Variants in HELB observed in about 807,000 individuals in gnomAD.
HELB encodes the protein DNA 5'-3' helicase B.
Under a neutral mutation model 101.7 loss-of-function variants are expected in HELB, and 96 were observed. The observed-to-expected ratio is 0.94, with a 90% CI of 0.80 to 1.12. The LOEUF (loss-of-function observed/expected upper bound fraction) is 1.12. HELB is among the 50% of genes most tolerant of loss of function. The pLI is 0.00. For missense variants in HELB, 1,210 were observed against 1,291.9 expected (o/e 0.94, Z 0.97); for synonymous variants, 437 against 459.7 (o/e 0.95, Z 0.63).
At chr12:66,310,701 G>A in intron 4 of HELB, 93 bp downstream of exon 4, 3 of 1,145,416 alleles carry the variant, frequency 2.6e-6, no homozygotes, top group South Asian at 3.0e-5. Flanking sequence ...GGGAGACTGA[G>A]GCGGGCAGAT....
At chr12:66,336,600 G>GA in intron 12 of HELB, among the ~76,000 whole-genome samples, 1 of 152,278 alleles carries the variant, frequency 6.6e-6, no homozygotes, top group East Asian at 1.9e-4. Flanking sequence ...TGTAAATGGG[G>GA]AATACTTATA....
At position 66,302,516 on chromosome 12, in the gene HELB, C is replaced by A; in HGVS notation, c.-88C>A. The A allele has an allele frequency of 1.6e-6, 2 of 1,248,490 alleles. No individual in the cohort carries two copies. The highest frequency in any genetic ancestry group is 2.2e-6 in the Non-Finnish European group (2 of 896,254). The allele number at this position is 1,248,490 out of a possible 1,614,324, so 77.3% of individuals were successfully genotyped here. ...CCAGGCCGTTCCCGGAAGTTGATGGCCTTACAGTCGTAGAACTGATTGGCT... is the reference window on the plus strand; with the variant it reads ...CCAGGCCGTTCCCGGAAGTTGATGGACTTACAGTCGTAGAACTGATTGGCT... On this transcript the variant is annotated 5_prime_UTR_variant, in exon 1 of 13. Transcript: ENST00000247815.
chr12:66,317,394 G>A (rs1481073746), intron 6 of HELB, among the ~76,000 whole-genome samples: 4 of 152,120 alleles, frequency 2.6e-5, no homozygotes, highest in Non-Finnish European at 5.9e-5. Flanking sequence ...ACAGGAATAG[G>A]GTAGACAGTG....
chr12:66,338,082 A>G lies in HELB; in HGVS notation c.3244A>G (p.Thr1082Ala), dbSNP rs754242417. ...AATTCCCAGGCAACTTTTCAAGCCC[A>G]CCGATAATCAAGAAACTTAGTTTTA... ...NLIPRQLFKP[T>A]DNQET Residue 1082 changes from threonine (T) to alanine (A), a missense_variant, in exon 13 of 13, where the codon ACC (threonine) becomes GCC (alanine). Physicochemically the swap from Thr to Ala is moderately conservative, Grantham distance 58 (BLOSUM62 0). Around this residue, in one of 2 missense-constraint regions of HELB, gnomAD observed 740 missense variants for 728.8 expected, o/e 1.02. Transcript: ENST00000247815. The G allele has an allele frequency of 3.4e-5, 53 of 1,579,010 alleles. No homozygotes were observed. Among genetic ancestry groups the G allele is most frequent in the Non-Finnish European group, 4.4e-5 (51 of 1,148,668 alleles).
At chr12:66,328,798 G>A (rs2053772213) in intron 11 of HELB, among the ~76,000 whole-genome samples, 4 of 151,828 alleles carry the variant, frequency 2.6e-5, no homozygotes, top group African/African-American at 9.7e-5. Context: ...TTGATTATAT[G>A]TTAAAATGAT....
chr12:66,336,972 C>T (rs552625815), intron 12 of HELB, among the ~76,000 whole-genome samples: 2 of 152,158 alleles, frequency 1.3e-5, no homozygotes, highest in South Asian at 2.1e-4. Flanking sequence ...CAGTAACCTG[C>T]GTAAAATGAG....
chr12:66,320,045 C>T (rs948686595), intron 7 of HELB, among the ~76,000 whole-genome samples: 1 of 150,660 alleles, frequency 6.6e-6, no homozygotes, highest in African/African-American at 2.4e-5. Flanking sequence ...GTGTGGGAAA[C>T]AGATAATTAA....
At chr12:66,318,120 ATG>A (rs762704484) in intron 6 of HELB, among the ~76,000 whole-genome samples, 1 of 152,210 alleles carries the variant, frequency 6.6e-6, no homozygotes, top group Non-Finnish European at 1.5e-5. Flanking sequence ...GAAGAATATA[ATG>A]TAAACATATG....
chr12:66,321,960 C>T lies in HELB; in HGVS notation c.2168C>T (p.Ala723Val). The T allele has an allele frequency of 1.8e-6, 2 of 1,130,348 alleles. No individual in the cohort carries two copies. The highest frequency in any genetic ancestry group is 2.6e-6 in the Non-Finnish European group (2 of 770,594). 70.0% of individuals were successfully genotyped at this position (1,130,348 alleles called of 1,614,324 possible). ...CTTGAATTATTAGGTTTATATTCTGCAGTTAAAACTTTACTACAAGAAAAT... is the reference window on the plus strand; with the variant it reads ...CTTGAATTATTAGGTTTATATTCTGTAGTTAAAACTTTACTACAAGAAAAT... ...KTNHHSCLYS[A>V]VKTLLQENNL... Residue 723 changes from alanine (A) to valine (V), a missense_variant, in exon 8 of 13, where the codon GCA (alanine) becomes GTA (valine). By Grantham distance (64) the Ala-to-Val change is moderately conservative (BLOSUM62 0). Transcript: ENST00000247815.
Position 66,325,014 on chromosome 12 carries a change from G to A in HELB, c.2558G>A (p.Arg853Lys). The A allele has an allele frequency of 6.2e-7, 1 of 1,612,382 alleles. No individual in the cohort carries two copies. Among genetic ancestry groups the A allele is most frequent in the Non-Finnish European group, 8.5e-7 (1 of 1,178,560 alleles). ...DVTDVTFGKR[R>K]SLTINNMAGL... ...ACTGATGTAACTTTTGGAAAGAGAA[G>A]ATCTTTGACCATTAATAATATGGCT... The change falls in exon 11 of 13, where the codon AGA becomes AAA. Residue 853 changes from arginine to lysine, a missense_variant. By Grantham distance (26) the Arg-to-Lys change is conservative. Coordinates refer to ENST00000247815, the MANE Select transcript of HELB (RefSeq NM_001370285.1).
At chr12:66,339,170 A>G (rs1457613861), downstream of HELB, 5 of 152,192 alleles carry the variant, frequency 3.3e-5, no homozygotes, top group Non-Finnish European at 5.9e-5. Context: ...GAAAGTTGCA[A>G]CCTCAGGCAT....
intron 4 of HELB, among the ~76,000 whole-genome samples, chr12:66,312,864 A>G (rs2053560103): frequency 6.6e-6 from 1 of 152,212 alleles, no homozygotes; most frequent in Non-Finnish European, 1.5e-5. Flanking sequence ...TTTATTGTGT[A>G]TTTGAAGTTC....
At chr12:66,309,395 G>A (rs2053513463) in intron 3 of HELB, among the ~76,000 whole-genome samples, 1 of 152,142 alleles carries the variant, frequency 6.6e-6, no homozygotes, top group Non-Finnish European at 1.5e-5. Flanking sequence ...AATAACTAAA[G>A]TGTTGGAGAT....
In HELB at chr12:66,338,085, G is replaced by A; in HGVS notation, c.3247G>A (p.Asp1083Asn). The A allele has an allele frequency of 1.7e-5, 27 of 1,547,140 alleles. No homozygotes were observed. The highest frequency in any genetic ancestry group is 2.2e-5 in the Non-Finnish European group (25 of 1,120,124). Residue 1083 changes from aspartate (D) to asparagine (N), a missense_variant, in exon 13 of 13, where the codon GAT (aspartate) becomes AAT (asparagine). This residue lies in a region of HELB where 740 missense variants were observed against 728.8 expected (regional missense o/e 1.02). Coordinates refer to ENST00000247815, the MANE Select transcript of HELB (RefSeq NM_001370285.1). ...TCCCAGGCAACTTTTCAAGCCCACC[G>A]ATAATCAAGAAACTTAGTTTTATTT... ...LIPRQLFKPT[D>N]NQET
At chr12:66,332,377 C>A (rs2053820239) in intron 12 of HELB, among the ~76,000 whole-genome samples, 1 of 152,178 alleles carries the variant, frequency 6.6e-6, no homozygotes, top group African/African-American at 2.4e-5. Flanking sequence ...GTTTCAGTTA[C>A]CCATGGTCAA....
At chr12:66,325,327 G>C (rs141619288) in intron 11 of HELB, among the ~76,000 whole-genome samples, 1 of 152,072 alleles carries the variant, frequency 6.6e-6, no homozygotes, top group Non-Finnish European at 1.5e-5. Context: ...AGAAACAAAG[G>C]CATTATAGGT....
chr12:66,311,354 C>G (rs573895023), intron 4 of HELB, among the ~76,000 whole-genome samples: 9 of 152,098 alleles, frequency 5.9e-5, no homozygotes, highest in African/African-American at 2.2e-4. Context: ...TCCAGCTACT[C>G]AGGAGGCAGA....
chr12:66,323,782 G>T (rs1310670082), intron 9 of HELB, among the ~76,000 whole-genome samples: 1 of 152,200 alleles, frequency 6.6e-6, no homozygotes, highest in African/African-American at 2.4e-5. Flanking sequence ...AGTTTGAGAC[G>T]TTGCAGGGAG....
intron 11 of HELB, among the ~76,000 whole-genome samples, chr12:66,327,912 A>C (rs192304478): frequency 1.8e-3 from 278 of 152,346 alleles, no homozygotes; most frequent in African/African-American, 5.9e-3. Context: ...TATAAGCCTC[A>C]TTGAGAAGAT....
Sources: allele counts gnomAD v4.1 joint callset (sites outside exome capture counted in the v4.1 genomes callset), GRCh38; gene constraint gnomAD v4.1.1; regional missense constraint gnomAD v4.1.1; transcripts MANE v1.5; gene names NCBI Gene and HGNC (gene_info 2026-07-23, HGNC 2026-07-21).